The following SHANK2 variants were observed in gnomAD, a reference collection of about 807,000 sequenced individuals.
The protein encoded by SHANK2 is SH3 and multiple ankyrin repeat domains 2.
A neutral mutation model predicts 133.7 loss-of-function variants in SHANK2; 43 were observed. The ratio of observed to expected loss-of-function variants is 0.32; its 90% CI spans 0.25 to 0.41. The LOEUF is 0.41. SHANK2 is among the 10% of genes least tolerant of loss of function. The pLI is 1.00. For synonymous variants in SHANK2, 1,017 were observed against 952.8 expected (o/e 1.07, Z -1.24); for missense variants, 1,994 against 2,235.8 (o/e 0.89, Z 2.18).
chr11:70,830,089 A>G lies in SHANK2; in HGVS notation c.1175-9407T>C, dbSNP rs116556375. On this transcript the variant is annotated intron_variant, in intron 11 of 25. Transcript: ENST00000601538. The surrounding 1 kb of genome is among the most constrained non-coding windows in gnomAD (Gnocchi z 4.4). ...GGTGCAGACCACTTCCTCATTTGCC[A>G]AGAAGTCTGGCGCTGAAGGCACAGA... Among the ~76,000 whole-genome samples, 1,182 of 152,268 alleles carry G rather than the reference A, an allele frequency of 7.8e-3. 17 individuals carry two copies. Among genetic ancestry groups the G allele is most frequent in the African/African-American group, 0.027 (1,104 of 41,566 alleles).
intron 14 of SHANK2, among the ~76,000 whole-genome samples, chr11:70,768,361 T>C (rs1036679605): frequency 3.9e-5 from 6 of 152,172 alleles, no homozygotes; most frequent in Non-Finnish European, 7.3e-5. Context: ...TAGGCAAGAA[T>C]AGAGCTCCCC....
chr11:71,207,863 T>C (rs2135670401), intron 2 of SHANK2, among the ~76,000 whole-genome samples: 1 of 152,236 alleles, frequency 6.6e-6, no homozygotes, highest in Non-Finnish European at 1.5e-5. Flanking sequence ...AGGGTCACTC[T>C]TGCCTCTCCA....
At chr11:70,888,110 T>C (rs936420612) in intron 11 of SHANK2, among the ~76,000 whole-genome samples, 15 of 152,016 alleles carry the variant, frequency 9.9e-5, no homozygotes, top group African/African-American at 3.6e-4. Context: ...CCTCTGGTGA[T>C]CATCTGACAC....
At chr11:70,555,627 T>C (rs1333555900) in intron 17 of SHANK2, among the ~76,000 whole-genome samples, 1 of 152,198 alleles carries the variant, frequency 6.6e-6, no homozygotes, top group Non-Finnish European at 1.5e-5. Flanking sequence ...CTCCAGAGGC[T>C]GAGGCAGTGG....
At chr11:70,601,923 G>A (rs2060503250) in intron 17 of SHANK2, among the ~76,000 whole-genome samples, 1 of 152,216 alleles carries the variant, frequency 6.6e-6, no homozygotes, top group Admixed American at 6.5e-5. Flanking sequence ...TGCCACCCAG[G>A]TGGCTGGAAC....
chr11:71,080,809 C>A (rs1289221826), intron 8 of SHANK2, among the ~76,000 whole-genome samples: 1 of 152,190 alleles, frequency 6.6e-6, no homozygotes, highest in Admixed American at 6.5e-5. Context: ...TCCGTGGCCC[C>A]GCATACCACG....
At position 71,090,124 on chromosome 11, in the gene SHANK2, C is replaced by A. The variant is rs1350119608; in HGVS notation, c.912+2298G>T. Among the ~76,000 whole-genome samples, 6 of 138,586 alleles carry A rather than the reference C, an allele frequency of 4.3e-5. No individual in the cohort carries two copies. The South Asian group carries it at 1.4e-3, about 33-fold the overall frequency. The allele number at this position is 138,586 out of a possible 152,430, so 90.9% of individuals were successfully genotyped here. On this transcript the variant is annotated intron_variant, in intron 8 of 25. Transcript: ENST00000601538. ...GTGTGTGTGTGTGTGTATCCTGCTG[C>A]TTCTACATTCAGGGTGTATCAGCCA...
At chr11:70,640,597 T>C (rs1215233410) in intron 17 of SHANK2, among the ~76,000 whole-genome samples, 1 of 152,222 alleles carries the variant, frequency 6.6e-6, no homozygotes, top group Non-Finnish European at 1.5e-5. Context: ...TGCACGAAGC[T>C]GAGGCCCGAG....
chr11:70,559,726 T>C (rs1428649752), intron 17 of SHANK2, among the ~76,000 whole-genome samples: 3 of 151,918 alleles, frequency 2.0e-5, no homozygotes, highest in African/African-American at 7.3e-5. Flanking sequence ...TCGTAACCTC[T>C]CCCCAAAACA....
rs543988574 is a variant in SHANK2, at chr11:70,485,471, C to T, written c.4822G>A (p.Val1608Ile). ...QPRTSKLWGD[V>I]TEIKSPILSG... ...AGAATCGGGCTTTTGATCTCTGTGA[C>T]GTCGCCCCACAACTTGGAGGTCCTT... The change falls in exon 25 of 26, where the codon GTC (valine) becomes ATC (isoleucine). Residue 1608 changes from valine to isoleucine, a missense_variant. This residue lies in a region of SHANK2 where 797 missense variants were observed against 907.4 expected (regional missense o/e 0.88). Transcript: ENST00000601538. The surrounding 1 kb of genome is among the most constrained non-coding windows in gnomAD (Gnocchi z 5.8). 383 of 1,613,922 alleles carry T rather than the reference C, an allele frequency of 2.4e-4. No individual in the cohort carries two copies. Among genetic ancestry groups the T allele is most frequent in the Non-Finnish European group, 3.0e-4 (351 of 1,180,032 alleles).
At chr11:71,156,335 C>T (rs1169147848) in intron 2 of SHANK2, among the ~76,000 whole-genome samples, 1 of 152,038 alleles carries the variant, frequency 6.6e-6, no homozygotes, top group Non-Finnish European at 1.5e-5. Context: ...TTTCCCTAAT[C>T]ACCATCAAAC....
chr11:70,517,512 G>A (rs1032356850), intron 17 of SHANK2, among the ~76,000 whole-genome samples: 2 of 152,092 alleles, frequency 1.3e-5, no homozygotes, highest in Admixed American at 6.5e-5. Flanking sequence ...TCTAGAAAAC[G>A]GAATATTAGT....
chr11:70,874,288 T>TAATCTA (rs782357518), intron 11 of SHANK2, among the ~76,000 whole-genome samples: 1 of 148,950 alleles, frequency 6.7e-6, no homozygotes, highest in Non-Finnish European at 1.5e-5. Flanking sequence ...TAATCTAATC[T>TAATCTA]ATCTAATCTA....
chr11:70,914,430 C>T (rs1038438140), intron 10 of SHANK2, among the ~76,000 whole-genome samples: 3 of 151,896 alleles, frequency 2.0e-5, no homozygotes, highest in Non-Finnish European at 4.4e-5. Flanking sequence ...GGGGCCTTCC[C>T]GGGAATACAG....
At chr11:70,683,379 C>G (rs190509353) in intron 15 of SHANK2, among the ~76,000 whole-genome samples, 2 of 152,300 alleles carry the variant, frequency 1.3e-5, no homozygotes, top group East Asian at 3.9e-4. Context: ...GCCCTCTTCC[C>G]CACCCAATCC....
At position 70,601,045 on chromosome 11, in the gene SHANK2, CTATAT is replaced by C. The variant is rs1554990970; in HGVS notation, c.2061+58778_2061+58782del. Among the ~76,000 whole-genome samples, 369 of 151,464 alleles carry C rather than the reference CTATAT, an allele frequency of 2.4e-3. 2 individuals are homozygous for C. The highest frequency in any genetic ancestry group is 8.3e-3 in the African/African-American group (342 of 41,272). On this transcript the variant is annotated intron_variant, in intron 17 of 25. Coordinates refer to ENST00000601538, the MANE Select transcript of SHANK2 (RefSeq NM_012309.5). ...TCTATATCTATATCTATATCTATAT[CTATAT>C]CTATATCTATATCTATATTTGAGAT...
chr11:71,231,715 C>A (rs1954744368), intron 1 of SHANK2, among the ~76,000 whole-genome samples: 1 of 152,096 alleles, frequency 6.6e-6, no homozygotes, highest in South Asian at 2.1e-4. Context: ...GTAGCGAAAT[C>A]CAGTCTCTAC....
chr11:71,111,936 G>A (rs191363055), intron 5 of SHANK2, among the ~76,000 whole-genome samples: 9 of 152,312 alleles, frequency 5.9e-5, no homozygotes, highest in South Asian at 2.1e-4. Context: ...GGGAAGTATC[G>A]GAAGAGCCCA....
intron 14 of SHANK2, among the ~76,000 whole-genome samples, chr11:70,703,970 A>C (rs1205717208): frequency 6.6e-6 from 1 of 152,184 alleles, no homozygotes; most frequent in Non-Finnish European, 1.5e-5. Flanking sequence ...TGTCCCTTTG[A>C]TCCCAGTGAG....
Sources: gnomAD v4.1 joint callset for allele counts (sites outside exome capture counted in the v4.1 genomes callset) on GRCh38, gnomAD v4.1.1 for gene constraint, gnomAD v4.1.1 regional missense constraint, Gnocchi (gnomAD v3.1) non-coding constraint, MANE v1.5 for transcripts, NCBI Gene and HGNC (gene_info 2026-07-23, HGNC 2026-07-21) for gene names.